Variants in INTS2 observed in about 807,000 individuals in gnomAD.
INTS2 encodes integrator complex subunit 2.
In INTS2, 57 loss-of-function variants were observed where a neutral mutation model predicts 139.6. The observed-to-expected ratio is 0.41, with a 90% CI of 0.33 to 0.51. The LOEUF (loss-of-function observed/expected upper bound fraction) is 0.51. INTS2 is among the 20% of genes least tolerant of loss of function. The pLI is 0.28. For missense variants in INTS2, 1,196 were observed against 1,436.7 expected (o/e 0.83, Z 2.71); for synonymous variants, 473 against 493.4 (o/e 0.96, Z 0.55).
intron 5 of INTS2, among the ~76,000 whole-genome samples, chr17:61,915,341 A>AAAT (rs2079569627): frequency 5.7e-5 from 8 of 141,400 alleles, no homozygotes; most frequent in East Asian, 2.2e-4. Flanking sequence ...CCGTCTCAAA[A>AAAT]AAATAAATAA....
At position 61,869,883 on chromosome 17, in the gene INTS2, T is replaced by C. The variant is rs940869354; in HGVS notation, c.2884A>G (p.Ile962Val). The change falls in exon 21 of 25, where the codon ATT becomes GTT. Residue 962 changes from isoleucine to valine, a missense_variant. By Grantham distance (29) the Ile-to-Val change is conservative. Coordinates refer to ENST00000251334, the MANE Select transcript of INTS2 (RefSeq NM_001351695.2). The surrounding 1 kb of genome is among the most constrained non-coding windows in gnomAD (Gnocchi z 5.4). ...CCCTTATTTGGAGCGCTGGTGGTAA[T>C]AACACTTTGAACATTTCTTAACAAG... ...DSLLRNVQSV[I>V]TTSAPNKGME... The C allele has an allele frequency of 3.1e-6, 5 of 1,613,954 alleles. No individual in the cohort carries two copies. Among genetic ancestry groups the C allele is most frequent in the Non-Finnish European group, 4.2e-6 (5 of 1,179,834 alleles).
chr17:61,877,895 C>T lies in INTS2; in HGVS notation c.2448G>A (p.Met816Ile). ...NKLWMVLNTV[M>I]PRRLWVMTVN... ...CAATACACTGAATTTACCTTCTAGG[C>T]ATCACAGTATTAAGAACCATCCATA... Residue 816 changes from methionine (M) to isoleucine (I), a missense_variant, in exon 18 of 25, where the codon ATG (methionine) becomes ATA (isoleucine). This residue lies in a region of INTS2 where 1,129 missense variants were observed against 1,341.9 expected (regional missense o/e 0.84). Transcript: ENST00000251334. The T allele has an allele frequency of 6.2e-7, 1 of 1,609,200 alleles. No homozygotes were observed. The highest frequency in any genetic ancestry group is 8.5e-7 in the Non-Finnish European group (1 of 1,175,564).
At position 61,877,786 on chromosome 17, in the gene INTS2, C is replaced by G; in HGVS notation, c.2456+101G>C. ...ATTGTCATATAGTCAACAAATACTG[C>G]TATGAGTGGTGAAAAATTTTTTAAA... On this transcript the variant is annotated intron_variant, in intron 18 of 24. Transcript: ENST00000251334. 7 of 801,130 alleles carry G rather than the reference C, an allele frequency of 8.7e-6. No individual in the cohort carries two copies. The South Asian group carries it at 1.2e-4, about 13-fold the overall frequency. The allele number at this position is 801,130 out of a possible 1,614,324, so 49.6% of individuals were successfully genotyped here.
chr17:61,892,525 C>T (rs1467575620), intron 13 of INTS2, among the ~76,000 whole-genome samples: 10 of 152,200 alleles, frequency 6.6e-5, no homozygotes, highest in Admixed American at 6.5e-4. Context: ...ACTGCAGTGG[C>T]TCATGCCTGT....
At chr17:61,926,775 C>T in intron 1 of INTS2, 113 bp from the exon 2 acceptor site, 1 of 809,900 alleles carries the variant, frequency 1.2e-6, no homozygotes, top group Non-Finnish European at 2.1e-6. Flanking sequence ...CCTATGTTGG[C>T]AATGTTCCTG....
chr17:61,875,185 C>A lies in INTS2; in HGVS notation c.2457-147G>T. On this transcript the variant is annotated intron_variant, in intron 18 of 24. Transcript: ENST00000251334. The surrounding 1 kb of genome is among the most constrained non-coding windows in gnomAD (Gnocchi z 4.6). ...ACTTTGAAAAAATTTAAGCTACAGA[C>A]ATCTAACCTATTAAAATATCTCTTT... 1 of 496,986 alleles carries A rather than the reference C, an allele frequency of 2.0e-6. No individual in the cohort carries two copies. Among genetic ancestry groups the A allele is most frequent in the Non-Finnish European group, 3.4e-6 (1 of 295,314 alleles). The allele number at this position is 496,986 out of a possible 1,614,324, so 30.8% of individuals were successfully genotyped here.
rs79876410 is a variant in INTS2, at chr17:61,920,622, G to A, written c.535+1103C>T. ...AATTCGAGACCAGCCTGGCCAACAT[G>A]GTGAAACCTCGTCGCCACTAAAAAT... On this transcript the variant is annotated intron_variant, in intron 4 of 24. Coordinates refer to ENST00000251334, the MANE Select transcript of INTS2 (RefSeq NM_001351695.2). Among the ~76,000 whole-genome samples the A allele has an allele frequency of 0.011, 1,656 of 151,628 alleles. 86 individuals carry two copies. The East Asian group carries it at 0.14, about 13-fold the overall frequency.
At chr17:61,894,866 C>T (rs1488504835) in intron 12 of INTS2, among the ~76,000 whole-genome samples, 2 of 151,862 alleles carry the variant, frequency 1.3e-5, no homozygotes, top group South Asian at 2.1e-4. Context: ...TGAAAAAAAT[C>T]CTTATGCTTA....
chr17:61,906,777 G>A (rs1250806590), intron 8 of INTS2, among the ~76,000 whole-genome samples: 3 of 149,808 alleles, frequency 2.0e-5, no homozygotes, highest in Non-Finnish European at 4.4e-5. Context: ...CTGAGGTAAG[G>A]AGTTCAAGAC....
At chr17:61,920,529 G>A (rs1385279865) in intron 4 of INTS2, among the ~76,000 whole-genome samples, 1 of 145,554 alleles carries the variant, frequency 6.9e-6, no homozygotes. Context: ...TCTGCAGCCA[G>A]GCACAGTGGC....
chr17:61,881,946 A>G (rs868778917), intron 16 of INTS2, among the ~76,000 whole-genome samples: 10 of 152,192 alleles, frequency 6.6e-5, no homozygotes, highest in Non-Finnish European at 5.9e-5. Context: ...GAGGAAAGAA[A>G]AGGAGGAGAA....
chr17:61,914,702 CAAAAAAAA>C, intron 5 of INTS2, among the ~76,000 whole-genome samples: 1 of 49,364 alleles, frequency 2.0e-5, no homozygotes, highest in South Asian at 7.6e-4. Flanking sequence ...GACTCCGTCT[CAAAAAAAA>C]AAAAAAAAAA....
At position 61,889,869 on chromosome 17, in the gene INTS2, C is replaced by T. The variant is rs371763328; in HGVS notation, c.1901G>A (p.Arg634His). The change falls in exon 15 of 25, where the codon CGT (arginine) becomes CAT (histidine). Residue 634 changes from arginine to histidine, a missense_variant. Transcript: ENST00000251334. ...CAAAAGCTGTGCTGTGATACTGAAA[C>T]GCTGATTAAGGCGGATGTTGTCACC... The part of the protein sequence containing the change: ...IGGDNIRLNQ[R>H]FSITAQLLVL... 52 of 1,610,462 alleles carry T rather than the reference C, an allele frequency of 3.2e-5. No individual in the cohort carries two copies. Among genetic ancestry groups the T allele is most frequent in the Non-Finnish European group, 4.2e-5 (50 of 1,177,608 alleles).
Position 61,865,723 on chromosome 17 carries a change from A to C in INTS2, c.*1834T>G, listed in dbSNP as rs2079039634. 1 of 152,218 alleles carries C rather than the reference A, an allele frequency of 6.6e-6. No individual in the cohort carries two copies. Among genetic ancestry groups the C allele is most frequent in the African/African-American group, 2.4e-5 (1 of 41,454 alleles). 9.4% of individuals were successfully genotyped at this position (152,218 alleles called of 1,614,324 possible). A position where few individuals can be genotyped will look rare whatever the true frequency, so the allele number is the denominator to read the frequency against. On this transcript the variant is annotated 3_prime_UTR_variant, in exon 25 of 25. Transcript: ENST00000251334. The surrounding 1 kb of genome is among the most constrained non-coding windows in gnomAD (Gnocchi z 4.8). ...GCCTCAGTTTAAAAAAAAAAGGAGC[A>C]GTTGTATTTAATCTTAAGGGACTAC... is the stretch of plus-strand genomic sequence containing the variant.
chr17:61,880,797 TA>T (rs2079171061), intron 17 of INTS2, among the ~76,000 whole-genome samples: 1 of 70,528 alleles, frequency 1.4e-5, no homozygotes, highest in African/African-American at 6.1e-5. Flanking sequence ...GGGAAAGGAG[TA>T]AAAGGGGAAA....
chr17:61,923,477 CAAAAAAAAAAAA>C (rs933124889), intron 3 of INTS2, among the ~76,000 whole-genome samples: 2 of 30,680 alleles, frequency 6.5e-5, no homozygotes, highest in Non-Finnish European at 1.2e-4. Context: ...ACTCTGTCTC[CAAAAAAAAAAAA>C]AAAAAAAAAA....
intron 16 of INTS2, among the ~76,000 whole-genome samples, chr17:61,883,116 G>A (rs1304856191): frequency 6.6e-6 from 1 of 152,022 alleles, no homozygotes; most frequent in Non-Finnish European, 1.5e-5. Flanking sequence ...TCACAAAAAA[G>A]ACTGCTTACA....
chr17:61,912,744 T>C (rs1405380067), intron 5 of INTS2, among the ~76,000 whole-genome samples: 1 of 151,978 alleles, frequency 6.6e-6, no homozygotes, highest in Non-Finnish European at 1.5e-5. Flanking sequence ...AGAAACATCA[T>C]ACGTCAACTT....
chr17:61,924,394 C>T (rs756968585), intron 3 of INTS2, among the ~76,000 whole-genome samples: 2 of 151,672 alleles, frequency 1.3e-5, no homozygotes, highest in African/African-American at 2.4e-5. Flanking sequence ...GGATTCCATA[C>T]GGAAAAAAAT....
Sources: gnomAD v4.1 joint callset for allele counts (sites outside exome capture counted in the v4.1 genomes callset) on GRCh38, gnomAD v4.1.1 for gene constraint, gnomAD v4.1.1 regional missense constraint, Gnocchi (gnomAD v3.1) non-coding constraint, MANE v1.5 for transcripts, NCBI Gene and HGNC (gene_info 2026-07-23, HGNC 2026-07-21) for gene names.